BTBD7: variants seen among roughly 807,000 people sequenced by gnomAD.
BTBD7 encodes BTB domain containing 7.
In BTBD7, 38 loss-of-function variants were observed where a neutral mutation model predicts 99.9. That is an observed-to-expected ratio of 0.38 (90% CI 0.29 to 0.50). BTBD7 has a LOEUF of 0.50. Among genes scored for constraint, BTBD7 ranks in the 20% least tolerant of loss-of-function variants. The pLI is 0.93. For synonymous variants in BTBD7, 520 were observed against 511.4 expected (o/e 1.02, Z -0.23); for missense variants, 1,170 against 1,394.6 (o/e 0.84, Z 2.57).
At chr14:93,275,090 G>A (rs1417276052) in intron 3 of BTBD7, among the ~76,000 whole-genome samples, 1 of 152,156 alleles carries the variant, frequency 6.6e-6, no homozygotes, top group Non-Finnish European at 1.5e-5. Context: ...ACACAGTGGG[G>A]GGCTACCTAA....
chr14:93,330,260 C>A (rs1474094232), intron 1 of BTBD7, among the ~76,000 whole-genome samples: 1 of 152,200 alleles, frequency 6.6e-6, no homozygotes. Flanking sequence ...AATAGCTTTC[C>A]AACTGACTAA....
chr14:93,281,044 C>T (rs904645372), intron 3 of BTBD7, among the ~76,000 whole-genome samples: 1 of 152,040 alleles, frequency 6.6e-6, no homozygotes, highest in African/African-American at 2.4e-5. Flanking sequence ...ACTCTGTCAG[C>T]CAGGCTGGAG....
At chr14:93,300,705 TG>T (rs1301574555) in intron 1 of BTBD7, among the ~76,000 whole-genome samples, 6 of 1,412 alleles carry the variant, frequency 4.2e-3, no homozygotes, top group Admixed American at 0.017. Flanking sequence ...CCAGCTAATT[TG>T]TGTGTGTGTG....
rs540206708 is a variant in BTBD7 at position 93,267,548 on chromosome 14, T to C, written c.1163-3555A>G. ...TTGCCCCACGGCCTTCACCTCATTA[T>C]ATCCCTGACTTCCCAGCTGATAGCT... On this transcript the variant is annotated intron_variant, in intron 3 of 10. Coordinates refer to ENST00000334746, the MANE Select transcript of BTBD7 (RefSeq NM_001002860.4). 5.9e-5 allele frequency among the ~76,000 whole-genome samples: 9 copies of C among 152,346 alleles called. No individual in the cohort carries two copies. The East Asian group carries it at 1.5e-3, about 26-fold the overall frequency.
At chr14:93,256,957 T>C (rs918793992) in intron 6 of BTBD7, 9 of 468,798 alleles carry the variant, frequency 1.9e-5, no homozygotes, top group Non-Finnish European at 3.0e-5. Context: ...CTAGAAATAA[T>C]GCTCTTGCAT....
In BTBD7 at chr14:93,242,810, T is replaced by A. The variant is rs1260181320; in HGVS notation, c.2862A>T (p.Arg954Ser). 1 of 1,614,086 alleles carries A rather than the reference T, an allele frequency of 6.2e-7. No homozygotes were observed. The highest frequency in any genetic ancestry group is 1.3e-5 in the African/African-American group (1 of 74,914). ...GTCTGCTGAGAGCAGGAGTAGAAGG[T>A]CTGCAAGCAGCATTTGAGAAGTCAT... is the stretch of plus-strand genomic sequence containing the variant. ...DFYDFSNAAC[R>S]PSTPALSRRT... The change falls in exon 11 of 11, where the codon AGA (arginine) becomes AGT (serine). Residue 954 changes from arginine to serine, a missense_variant. By Grantham distance (110) the Arg-to-Ser change is moderately radical. Coordinates refer to ENST00000334746, the MANE Select transcript of BTBD7 (RefSeq NM_001002860.4).
At chr14:93,313,956 G>C (rs563110373) in intron 1 of BTBD7, among the ~76,000 whole-genome samples, 43 of 151,694 alleles carry the variant, frequency 2.8e-4, no homozygotes, top group Non-Finnish European at 4.1e-4. Flanking sequence ...ATGTTGCCCA[G>C]GCTGGTCTTG....
chr14:93,288,297 T>C (rs1260111083), intron 3 of BTBD7: 2 of 579,040 alleles, frequency 3.5e-6, no homozygotes, highest in Non-Finnish European at 6.0e-6. Flanking sequence ...TGTTAGACCC[T>C]GGATGAATAC....
chr14:93,243,158 T>C, intron 10 of BTBD7, 70 bp from the exon 11 acceptor site: 1 of 1,364,598 alleles, frequency 7.3e-7, no homozygotes, highest in South Asian at 1.3e-5. Flanking sequence ...TGATGTTCAC[T>C]GATTTTGTTT....
intron 3 of BTBD7, among the ~76,000 whole-genome samples, chr14:93,287,228 C>CAAAAAAAAAAAAAAAAA (rs528012658): frequency 1.0e-4 from 13 of 126,822 alleles, no homozygotes; most frequent in South Asian, 2.5e-4. Flanking sequence ...GACTCTGTCT[C>CAAAAAAAAAAAAAAAAA]AAAAAAAAAA....
intron 1 of BTBD7, among the ~76,000 whole-genome samples, chr14:93,298,905 A>ATATT (rs1163254779): frequency 5.3e-5 from 8 of 152,280 alleles, no homozygotes; most frequent in African/African-American, 1.7e-4. Flanking sequence ...CTGCTACAAT[A>ATATT]AGCAGTAGTA....
intron 1 of BTBD7, among the ~76,000 whole-genome samples, chr14:93,313,679 TACACACACACACACACACAC>T (rs57711099): frequency 6.9e-6 from 1 of 145,424 alleles, no homozygotes; most frequent in Admixed American, 6.9e-5. Flanking sequence ...AAAATGAAAC[TACACACACACACACACACAC>T]ACACACACAC....
Position 93,239,437 on chromosome 14 carries a change from A to T in BTBD7, c.*2836T>A, listed in dbSNP as rs1356358799. 2 of 150,760 alleles carry T rather than the reference A, an allele frequency of 1.3e-5. No individual in the cohort carries two copies. Among genetic ancestry groups the T allele is most frequent in the Admixed American group, 1.3e-4 (2 of 15,100 alleles). 9.3% of individuals were successfully genotyped at this position (150,760 alleles called of 1,614,324 possible). ...GTTCCCATGGCCTAAATTTTATTTT[A>T]TATATATATATGCTTTTTTTTTTTT... On this transcript the variant is annotated 3_prime_UTR_variant, in exon 11 of 11. Transcript: ENST00000334746.
At position 93,239,993 on chromosome 14, in the gene BTBD7, A is replaced by T. The variant is rs60672738; in HGVS notation, c.*2280T>A. ...GTCAACATACATATGTGGCAGAAAC[A>T]CACATCAAGGAACATGACGGCATTC... On this transcript the variant is annotated 3_prime_UTR_variant, in exon 11 of 11. Transcript: ENST00000334746. 1 of 152,152 alleles carries T rather than the reference A, an allele frequency of 6.6e-6. No individual in the cohort carries two copies. Among genetic ancestry groups the T allele is most frequent in the Non-Finnish European group, 1.5e-5 (1 of 68,028 alleles). 9.4% of individuals were successfully genotyped at this position (152,152 alleles called of 1,614,324 possible). A position where few individuals can be genotyped will look rare whatever the true frequency, so the allele number is the denominator to read the frequency against.
At chr14:93,332,638 G>A (rs975755806) in intron 1 of BTBD7, among the ~76,000 whole-genome samples, 182 bp downstream of exon 1, 3 of 144,776 alleles carry the variant, frequency 2.1e-5, no homozygotes, top group Non-Finnish European at 4.6e-5. Context: ...GCGCCGCCGC[G>A]CCTCAGCCCC....
intron 1 of BTBD7, among the ~76,000 whole-genome samples, chr14:93,318,451 G>C (rs535509675): frequency 6.6e-6 from 1 of 152,198 alleles, no homozygotes; most frequent in African/African-American, 2.4e-5. Flanking sequence ...CTTTGTATGT[G>C]TATTACTTCA....
intron 6 of BTBD7, chr14:93,255,466 A>C (rs1446784568): frequency 6.6e-6 from 1 of 151,910 alleles, no homozygotes; most frequent in African/African-American, 2.4e-5. Context: ...TACATAGTTG[A>C]ATTTAAGAAT....
chr14:93,246,369 G>A (rs924086971), intron 9 of BTBD7, 83 bp from the exon 10 acceptor site: 2 of 1,354,118 alleles, frequency 1.5e-6, no homozygotes, highest in Admixed American at 2.9e-5. Flanking sequence ...AGAATTAAGT[G>A]AGGTACTTAA....
rs754631045 is a variant in BTBD7 at position 93,282,205 on chromosome 14, A to G, written c.1162+11653T>C. Among the ~76,000 whole-genome samples the G allele has an allele frequency of 1.1e-4, 16 of 152,210 alleles. 1 individual carries two copies. Among genetic ancestry groups the G allele is most frequent in the Admixed American group, 2.6e-4 (4 of 15,286 alleles). On this transcript the variant is annotated intron_variant, in intron 3 of 10. Transcript: ENST00000334746. ...GTTTTCACAGTAACAGCTAAGTAATATCATTATCAATCTATCTTAATTCTT... is the reference window on the plus strand; with the variant it reads ...GTTTTCACAGTAACAGCTAAGTAATGTCATTATCAATCTATCTTAATTCTT...
Sources: gnomAD v4.1 joint callset for allele counts (sites outside exome capture counted in the v4.1 genomes callset) on GRCh38, gnomAD v4.1.1 for gene constraint, MANE v1.5 for transcripts, NCBI Gene and HGNC (gene_info 2026-07-23, HGNC 2026-07-21) for gene names.